Variants in NCALD observed in about 807,000 individuals in gnomAD.
NCALD encodes the protein neurocalcin-delta.
NCALD carries 10 observed loss-of-function variants against 18.6 expected under a neutral mutation model. That is an observed-to-expected ratio of 0.54 (90% CI 0.33 to 0.91). The LOEUF (loss-of-function observed/expected upper bound fraction) is 0.91, where lower values mean the gene tolerates loss of function less well. Among genes scored for constraint, NCALD ranks in the 40% least tolerant of loss-of-function variants. The probability of loss-of-function intolerance (pLI) is 0.03; values close to 1 mark genes in which losing one functional copy is unlikely to be tolerated. For missense variants in NCALD, 184 were observed against 247.6 expected (o/e 0.74, Z 1.72); for synonymous variants, 88 against 87.4 (o/e 1.01, Z -0.04).
intron 4 of NCALD, among the ~76,000 whole-genome samples, chr8:101,805,592 A>G (rs1303389902): frequency 6.6e-6 from 1 of 152,202 alleles, no homozygotes; most frequent in African/African-American, 2.4e-5. Context: ...GCAGTTATTC[A>G]GAAATTTTTC....
intron 1 of NCALD, among the ~76,000 whole-genome samples, chr8:102,107,195 CATATATAT>C (rs67447416): frequency 0.027 from 2,435 of 89,244 alleles, 49 homozygotes; most frequent in East Asian, 0.067. Flanking sequence ...TATGTGTGTA[CATATATAT>C]ATATATATAT....
chr8:102,116,352 C>T (rs555091774), intron 1 of NCALD, among the ~76,000 whole-genome samples: 8 of 152,236 alleles, frequency 5.3e-5, no homozygotes, highest in South Asian at 2.1e-4. Context: ...CTAGGGGCAC[C>T]GTAACAGAGT....
intron 4 of NCALD, among the ~76,000 whole-genome samples, chr8:101,880,582 C>T (rs1024150815): frequency 5.3e-5 from 8 of 152,056 alleles, no homozygotes; most frequent in Non-Finnish European, 1.2e-4. Flanking sequence ...CTGGTAGTCA[C>T]AGACAGGACA....
intron 4 of NCALD, among the ~76,000 whole-genome samples, chr8:101,828,552 T>C (rs530234692): frequency 9.8e-5 from 9 of 91,746 alleles, no homozygotes; most frequent in African/African-American, 3.7e-4. Flanking sequence ...CACTCCCTAA[T>C]TTCCTTCTTT....
At chr8:101,807,191 G>A (rs758585102) in intron 4 of NCALD, among the ~76,000 whole-genome samples, 19 of 151,910 alleles carry the variant, frequency 1.3e-4, no homozygotes, top group Non-Finnish European at 2.1e-4. Flanking sequence ...AAGTGACCTC[G>A]GATAAAAAGA....
intron 4 of NCALD, among the ~76,000 whole-genome samples, chr8:101,814,302 A>T (rs536541274): frequency 2.0e-5 from 3 of 152,260 alleles, no homozygotes; most frequent in Non-Finnish European, 4.4e-5. Context: ...TATACTCCAT[A>T]ACCACATGGG....
chr8:102,119,871 T>C lies in NCALD; in HGVS notation c.-210+4366A>G, dbSNP rs185439388. Reference sequence around the variant, plus strand: ...AGAATGCTGAGCATGTAGAAACTGCTCAAGAATATTGGTCAAATAGTTGAG... The same window carrying C: ...AGAATGCTGAGCATGTAGAAACTGCCCAAGAATATTGGTCAAATAGTTGAG... On this transcript the variant is annotated intron_variant, in intron 1 of 6. Coordinates refer to the NCALD transcript ENST00000311028. Among the ~76,000 whole-genome samples, 4 of 152,312 alleles carry C rather than the reference T, an allele frequency of 2.6e-5. No individual in the cohort carries two copies. In the East Asian group the frequency reaches 7.7e-4, roughly 29 times the overall value.
intron 1 of NCALD, among the ~76,000 whole-genome samples, chr8:102,036,510 C>T (rs893174171): frequency 2.0e-5 from 3 of 152,084 alleles, no homozygotes; most frequent in Non-Finnish European, 4.4e-5. Context: ...TATGGTGGCT[C>T]ACGCCTGTAA....
chr8:102,000,603 T>C (rs921560814), intron 2 of NCALD, among the ~76,000 whole-genome samples: 1 of 152,182 alleles, frequency 6.6e-6, no homozygotes, highest in Non-Finnish European at 1.5e-5. Context: ...GAACCCCGAA[T>C]AGCCTAACTG....
intron 1 of NCALD, among the ~76,000 whole-genome samples, chr8:101,749,005 A>ATG (rs1298977856): frequency 6.6e-6 from 1 of 152,140 alleles, no homozygotes; most frequent in Non-Finnish European, 1.5e-5. Context: ...CATGCGCGGT[A>ATG]TGTGTGTGTG....
intron 1 of NCALD, among the ~76,000 whole-genome samples, chr8:101,769,406 A>G (rs1811488159): frequency 6.6e-6 from 1 of 152,194 alleles, no homozygotes; most frequent in Non-Finnish European, 1.5e-5. Context: ...CTCTTCATAA[A>G]GAAAATGAAT....
In NCALD at chr8:102,104,444, T is replaced by C. The variant is rs189603256; in HGVS notation, c.-210+19793A>G. On this transcript the variant is annotated intron_variant, in intron 1 of 6. Coordinates refer to the NCALD transcript ENST00000311028. ...TCCTGTGATTGTTTTTCTCAAAAAG[T>C]TGCAAATCCAATAACCATTTTCTTT... Among the ~76,000 whole-genome samples the C allele has an allele frequency of 2.3e-3, 352 of 152,202 alleles. 3 individuals are homozygous for C. Among genetic ancestry groups the C allele is most frequent in the African/African-American group, 7.7e-3 (318 of 41,510 alleles).
At chr8:101,955,342 T>C (rs1034533515) in intron 2 of NCALD, among the ~76,000 whole-genome samples, 9 of 152,174 alleles carry the variant, frequency 5.9e-5, no homozygotes, top group African/African-American at 1.9e-4. Context: ...AATGTGAATA[T>C]ATAAAATCTC....
At chr8:101,871,345 G>GT (rs940873711) in intron 4 of NCALD, among the ~76,000 whole-genome samples, 4 of 152,092 alleles carry the variant, frequency 2.6e-5, no homozygotes, top group Admixed American at 2.0e-4. Context: ...CAATACAGAA[G>GT]TTTTTTTCCA....
At chr8:101,993,314 C>T (rs1462599335) in intron 2 of NCALD, among the ~76,000 whole-genome samples, 2 of 152,092 alleles carry the variant, frequency 1.3e-5, no homozygotes, top group Non-Finnish European at 2.9e-5. Context: ...AAAGACCTTG[C>T]TGTGCCCACA....
At chr8:101,750,639 C>T (rs1013880450) in intron 1 of NCALD, 5 of 152,276 alleles carry the variant, frequency 3.3e-5, no homozygotes, top group Admixed American at 3.3e-4. Context: ...TGCTTCAGTT[C>T]TAGAGACAAG....
intron 2 of NCALD, among the ~76,000 whole-genome samples, chr8:102,015,323 T>C (rs947834790): frequency 2.0e-5 from 3 of 152,228 alleles, no homozygotes; most frequent in African/African-American, 7.2e-5. Flanking sequence ...ATTGCAACAT[T>C]CCTGCCATTG....
intron 3 of NCALD, among the ~76,000 whole-genome samples, chr8:101,900,565 C>G (rs1285772236): frequency 6.6e-6 from 1 of 151,868 alleles, no homozygotes; most frequent in East Asian, 1.9e-4. Flanking sequence ...CATTTTCATT[C>G]ACTTTAACGT....
At chr8:101,769,491 C>T (rs76098214) in intron 1 of NCALD, among the ~76,000 whole-genome samples, 4,564 of 152,260 alleles carry the variant, frequency 0.03, 90 homozygotes, top group Middle Eastern at 0.068. Flanking sequence ...ATATTCCTTT[C>T]CGTTGGAAAA....
Sources: gnomAD v4.1 joint callset for allele counts (sites outside exome capture counted in the v4.1 genomes callset) on GRCh38, gnomAD v4.1.1 for gene constraint, MANE v1.5 for transcripts, NCBI Gene and HGNC (gene_info 2026-07-23, HGNC 2026-07-21) for gene names.